FAM204A: variants seen among roughly 807,000 people sequenced by gnomAD.
The protein encoded by FAM204A is protein FAM204A.
In FAM204A, 16 loss-of-function variants were observed where a neutral mutation model predicts 35.4. The observed-to-expected ratio is 0.45, with a 90% confidence interval of 0.31 to 0.69. The LOEUF is 0.69. FAM204A is among the 30% of genes least tolerant of loss of function. The pLI is 0.07. For missense variants in FAM204A, 240 were observed against 265.7 expected, an observed-to-expected ratio of 0.90 and a Z score of 0.67; for synonymous variants, 76 against 86.9, an observed-to-expected ratio of 0.88 and a Z score of 0.70.
At chr10:118,328,801 T>G (rs546574149) in intron 6 of FAM204A, among the ~76,000 whole-genome samples, 9 of 152,248 alleles carry the variant, frequency 5.9e-5, no homozygotes, top group Admixed American at 2.6e-4. Context: ...ATGTCCTCAT[T>G]CTTAAAACTA....
chr10:118,333,377 T>A (rs1846322236), intron 6 of FAM204A, among the ~76,000 whole-genome samples: 1 of 152,242 alleles, frequency 6.6e-6, no homozygotes, highest in Non-Finnish European at 1.5e-5. Flanking sequence ...TTCAAAATCA[T>A]CTCTAGATTT....
intron 7 of FAM204A, chr10:118,322,319 C>G (rs886344105): frequency 1.2e-4 from 53 of 455,614 alleles, no homozygotes; most frequent in Non-Finnish European, 2.2e-4. Context: ...AGTAGTTAAT[C>G]GAAGTAACAC....
intron 6 of FAM204A, among the ~76,000 whole-genome samples, chr10:118,327,261 G>A (rs1444376792): frequency 6.6e-6 from 1 of 152,140 alleles, no homozygotes; most frequent in African/African-American, 2.4e-5. Flanking sequence ...CCAATCAACT[G>A]AGAGAATTTT....
chr10:118,328,501 T>TG (rs1222287064), intron 6 of FAM204A, among the ~76,000 whole-genome samples: 1 of 151,740 alleles, frequency 6.6e-6, no homozygotes, highest in Non-Finnish European at 1.5e-5. Context: ...ACTGTTTTTT[T>TG]TTTTTTTTTG....
At chr10:118,336,051 A>G in intron 3 of FAM204A, 131 bp downstream of exon 3, 1 of 1,069,822 alleles carries the variant, frequency 9.3e-7, no homozygotes, top group East Asian at 2.4e-5. Flanking sequence ...AGAGAACAGT[A>G]AAAGCATTCT....
chr10:118,311,482 A>T, intron 7 of FAM204A, 169 bp from the exon 8 acceptor site: 1 of 583,736 alleles, frequency 1.7e-6, no homozygotes, highest in African/African-American at 1.9e-5. Flanking sequence ...GACAGGACCC[A>T]TATCTCCCGT....
intron 7 of FAM204A, among the ~76,000 whole-genome samples, chr10:118,313,822 T>C (rs1169895527): frequency 2.0e-5 from 3 of 152,186 alleles, no homozygotes; most frequent in Non-Finnish European, 4.4e-5. Flanking sequence ...GTGAGAAAAT[T>C]ATTTTTTAAA....
rs947045274 is a variant in FAM204A, at chr10:118,308,576, C to G, written c.*2281G>C. The G allele has an allele frequency of 6.6e-6, 1 of 152,308 alleles. No homozygotes were observed. Among genetic ancestry groups the G allele is most frequent in the East Asian group, 1.9e-4 (1 of 5,188 alleles). The allele number at this position is 152,308 out of a possible 1,614,324, so 9.4% of individuals were successfully genotyped here. On this transcript the variant is annotated 3_prime_UTR_variant, in exon 9 of 9. Transcript: ENST00000369183. ...CTACACATAACGTTTTAGAGCTTTC[C>G]ACAACCCATGCCCAGAAAGGAGTGA...
At chr10:118,333,479 C>G (rs1051189954) in intron 6 of FAM204A, among the ~76,000 whole-genome samples, 2 of 152,196 alleles carry the variant, frequency 1.3e-5, no homozygotes, top group Non-Finnish European at 2.9e-5. Flanking sequence ...TTTATTTACT[C>G]TGTTGGATTT....
rs1845839496 is a variant in FAM204A at position 118,304,327 on chromosome 10, A to G, written c.*6530T>C. The G allele has an allele frequency of 6.6e-6, 1 of 152,188 alleles. No homozygotes were observed. 9.4% of individuals were successfully genotyped at this position (152,188 alleles called of 1,614,324 possible). On this transcript the variant is annotated 3_prime_UTR_variant, in exon 9 of 9. Coordinates refer to ENST00000369183, the MANE Select transcript of FAM204A (RefSeq NM_022063.3). ...AATATGACCTACTTTACTAAATACTAAATGTCTAACTCTATATTACTAAAC... is the reference window on the plus strand; with the variant it reads ...AATATGACCTACTTTACTAAATACTGAATGTCTAACTCTATATTACTAAAC...
chr10:118,302,517 C>A lies in FAM204A; in HGVS notation c.*8340G>T, dbSNP rs1271871311. 3.3e-5 allele frequency: 5 copies of A among 152,212 alleles called. No homozygotes were observed. Among genetic ancestry groups the A allele is most frequent in the Admixed American group, 3.3e-4 (5 of 15,288 alleles). The allele number at this position is 152,212 out of a possible 1,614,324, so 9.4% of individuals were successfully genotyped here. ...TTTCATAAAAATGTTTTCCAAGGTG[C>A]ACAGAAACATCTGAGGACTTTAATT... On this transcript the variant is annotated 3_prime_UTR_variant, in exon 9 of 9. Coordinates refer to ENST00000369183, the MANE Select transcript of FAM204A (RefSeq NM_022063.3).
In FAM204A at chr10:118,299,774, A is replaced by G. The variant is rs749318906; in HGVS notation, c.*11083T>C. 6.6e-6 allele frequency: 1 copy of G among 152,234 alleles called. No individual in the cohort carries two copies. Among genetic ancestry groups the G allele is most frequent in the Non-Finnish European group, 1.5e-5 (1 of 68,050 alleles). 9.4% of individuals were successfully genotyped at this position (152,234 alleles called of 1,614,324 possible). A position where few individuals can be genotyped will look rare whatever the true frequency, so the allele number is the denominator to read the frequency against. ...TCTCACAACTAGAGAATGGAAGAGA[A>G]GAGAAATATGGTTACAAAAAGTACA... On this transcript the variant is annotated 3_prime_UTR_variant, in exon 9 of 9. Transcript: ENST00000369183.
In FAM204A at chr10:118,310,561, C is replaced by A. The variant is rs897912686; in HGVS notation, c.*296G>T. ...GCTAAACCAAATGAATGGAAAGCGC[C>A]AAAAGTGATTTTATACCAAGGGTCC... is the stretch of plus-strand genomic sequence containing the variant. On this transcript the variant is annotated 3_prime_UTR_variant, in exon 9 of 9. Coordinates refer to ENST00000369183, the MANE Select transcript of FAM204A (RefSeq NM_022063.3). 9.3e-6 allele frequency: 3 copies of A among 323,026 alleles called. No homozygotes were observed. The highest frequency in any genetic ancestry group is 1.7e-5 in the Non-Finnish European group (3 of 179,910). The allele number at this position is 323,026 out of a possible 1,614,324, so 20.0% of individuals were successfully genotyped here.
rs979818185 is a variant in FAM204A, at chr10:118,298,801, C to T, written c.*12056G>A. 6.6e-6 allele frequency: 1 copy of T among 152,208 alleles called. No homozygotes were observed. Among genetic ancestry groups the T allele is most frequent in the African/African-American group, 2.4e-5 (1 of 41,448 alleles). 9.4% of individuals were successfully genotyped at this position (152,208 alleles called of 1,614,324 possible). A position where few individuals can be genotyped will look rare whatever the true frequency, so the allele number is the denominator to read the frequency against. On this transcript the variant is annotated 3_prime_UTR_variant, in exon 9 of 9. Coordinates refer to ENST00000369183, the MANE Select transcript of FAM204A (RefSeq NM_022063.3). ...GGCATCCACCCAAGAGTGATCTAACCTTTGCAAAGCCTTCACTGATTCGGG... is the reference window on the plus strand; with the variant it reads ...GGCATCCACCCAAGAGTGATCTAACTTTTGCAAAGCCTTCACTGATTCGGG...
At chr10:118,317,914 A>G (rs1438755001) in intron 7 of FAM204A, among the ~76,000 whole-genome samples, 1 of 152,050 alleles carries the variant, frequency 6.6e-6, no homozygotes, top group Admixed American at 6.6e-5. Context: ...TTAATGAATG[A>G]GAGCGAGTTC....
At chr10:118,337,263 A>G (rs1284497031) in intron 2 of FAM204A, 8 of 984,710 alleles carry the variant, frequency 8.1e-6, no homozygotes, top group Non-Finnish European at 9.6e-6. Flanking sequence ...ATTTTAGCAC[A>G]TATATTGAGC....
rs1180892209 is a variant in FAM204A, at chr10:118,299,212, C to T, written c.*11645G>A. On this transcript the variant is annotated 3_prime_UTR_variant, in exon 9 of 9. Transcript: ENST00000369183. The stretch of plus-strand genomic sequence containing the variant: ...TCAGAAAATCTATGGCTGAACTTTT[C>T]AGGTTCTTCCTTTGGGCAGTACTGC... 6.6e-6 allele frequency: 1 copy of T among 152,102 alleles called. No individual in the cohort carries two copies. Among genetic ancestry groups the T allele is most frequent in the Non-Finnish European group, 1.5e-5 (1 of 68,022 alleles). 9.4% of individuals were successfully genotyped at this position (152,102 alleles called of 1,614,324 possible). A position where few individuals can be genotyped will look rare whatever the true frequency, so the allele number is the denominator to read the frequency against.
intron 6 of FAM204A, among the ~76,000 whole-genome samples, chr10:118,329,008 C>T (rs1846246257): frequency 6.6e-6 from 1 of 152,176 alleles, no homozygotes; most frequent in African/African-American, 2.4e-5. Context: ...ACATCTCCAG[C>T]TACTTGCTAA....
At position 118,336,401 on chromosome 10, in the gene FAM204A, C is replaced by G. The variant is rs1332906967; in HGVS notation, c.15G>C (p.Leu5=). The change falls in exon 3 of 9, where the codon CTG becomes CTC. Residue 5 remains leucine (L), a synonymous_variant. Transcript: ENST00000369183. ...CACTTTCATTTAGGCCAGGAGGTAG[C>G]AGCCCACTCCACATCTTTTCTTCTA... MWSG[L]LPPGLNESDA... is the part of the protein sequence containing the mutation. The G allele has an allele frequency of 3.1e-6, 5 of 1,612,088 alleles. No individual in the cohort carries two copies. The highest frequency in any genetic ancestry group is 2.7e-5 in the African/African-American group (2 of 74,754).
Sources: gnomAD v4.1 joint callset for allele counts (sites outside exome capture counted in the v4.1 genomes callset) on GRCh38, gnomAD v4.1.1 for gene constraint, MANE v1.5 for transcripts, NCBI Gene and HGNC (gene_info 2026-07-23, HGNC 2026-07-21) for gene names.